The following TNRC18 variants were observed in gnomAD, a reference collection of about 807,000 sequenced individuals.
The protein encoded by TNRC18 is trinucleotide repeat containing 18.
TNRC18 carries 69 observed loss-of-function variants against 226.7 expected under a neutral mutation model. The observed-to-expected ratio is 0.30, with a 90% CI of 0.25 to 0.37. The LOEUF (loss-of-function observed/expected upper bound fraction) is 0.37. Ranked by LOEUF, TNRC18 falls within the 10% of genes least tolerant of loss-of-function variation. The probability of loss-of-function intolerance (pLI) is 1.00; values close to 1 mark genes in which losing one functional copy is unlikely to be tolerated. For synonymous variants in TNRC18, 2,449 were observed against 1,927.6 expected, an observed-to-expected ratio of 1.27 and a Z score of -7.09; for missense variants, 4,754 against 4,256.6, an observed-to-expected ratio of 1.12 and a Z score of -3.25.
At chr7:5,411,096 C>T (rs1437558106) in intron 2 of TNRC18, among the ~76,000 whole-genome samples, 6 of 151,248 alleles carry the variant, frequency 4.0e-5, no homozygotes, top group African/African-American at 1.2e-4. Flanking sequence ...TTAATCCCAG[C>T]TACTTGCTAC....
chr7:5,369,568 AGAGGGAAG>A lies in TNRC18; in HGVS notation c.4219+799_4219+806del, dbSNP rs199587150. Among the ~76,000 whole-genome samples the A allele has an allele frequency of 3.1e-4, 47 of 152,242 alleles. No homozygotes were observed. The Middle Eastern group carries it at 0.01, about 33-fold the overall frequency. The stretch of plus-strand genomic sequence containing the variant: ...CAACAGAGAGAAAAGTCGAACAGCA[AGAGGGAAG>A]GAGGGAAGGAGGGAAGGAGACGGGG... On this transcript the variant is annotated intron_variant, in intron 11 of 29. Transcript: ENST00000430969.
chr7:5,349,516 G>C (rs752821951), intron 17 of TNRC18, among the ~76,000 whole-genome samples: 2 of 152,214 alleles, frequency 1.3e-5, no homozygotes, highest in Non-Finnish European at 2.9e-5. Flanking sequence ...ATGTCAGAGC[G>C]ATCTGCTGCT....
rs1218384410 is a variant in TNRC18, at chr7:5,307,221, T to A, written c.*885A>T. 5 of 149,606 alleles carry A rather than the reference T, an allele frequency of 3.3e-5. No individual in the cohort carries two copies. Among genetic ancestry groups the A allele is most frequent in the Non-Finnish European group, 7.4e-5 (5 of 67,554 alleles). 9.3% of individuals were successfully genotyped at this position (149,606 alleles called of 1,614,324 possible). A position where few individuals can be genotyped will look rare whatever the true frequency, so the allele number is the denominator to read the frequency against. On this transcript the variant is annotated 3_prime_UTR_variant, in exon 30 of 30. Coordinates refer to ENST00000430969, the MANE Select transcript of TNRC18 (RefSeq NM_001080495.3). ...CACGTCAGAATGTTTTTTTTTATAA[T>A]TTCATAGCTATTTTTCACAGTTTTA...
In TNRC18 at chr7:5,377,133, G is replaced by GCAGCCAGCCA; in HGVS notation, c.2462-141_2462-140insTGGCTGGCTG. 7.6e-7 allele frequency: 1 copy of GCAGCCAGCCA among 1,314,716 alleles called. No homozygotes were observed. Among genetic ancestry groups the GCAGCCAGCCA allele is most frequent in the Non-Finnish European group, 1.0e-6 (1 of 970,316 alleles). 81.4% of individuals were successfully genotyped at this position (1,314,716 alleles called of 1,614,324 possible). On this transcript the variant is annotated intron_variant, in intron 7 of 29. Coordinates refer to ENST00000430969, the MANE Select transcript of TNRC18 (RefSeq NM_001080495.3). The surrounding 1 kb of genome is among the most constrained non-coding windows in gnomAD (Gnocchi z 5.8). ...GGGGAAGCCAAGGGACAGGGGTGCT[G>GCAGCCAGCCA]GCTGGCTGCAAAGAGCACCCCAGAG...
chr7:5,364,456 A>AGG (rs1374087558), intron 11 of TNRC18, among the ~76,000 whole-genome samples: 4 of 101,174 alleles, frequency 4.0e-5, no homozygotes, highest in African/African-American at 7.0e-5. Flanking sequence ...AGCCTGTCTC[A>AGG]AAGAAAACAC....
At chr7:5,308,779 G>A (rs1277088483) in intron 29 of TNRC18, 96 bp downstream of exon 29, 22 of 1,363,814 alleles carry the variant, frequency 1.6e-5, no homozygotes, top group East Asian at 2.5e-5. Flanking sequence ...GACCATGGGG[G>A]ACAGAGCAGC....
intron 5 of TNRC18, among the ~76,000 whole-genome samples, chr7:5,379,832 T>C (rs1396087813): frequency 6.6e-6 from 1 of 152,176 alleles, no homozygotes; most frequent in Non-Finnish European, 1.5e-5. Flanking sequence ...ATACTCCCCT[T>C]GGGGCCGGCC....
At chr7:5,372,168 C>T (rs960757575) in intron 10 of TNRC18, among the ~76,000 whole-genome samples, 2 of 151,850 alleles carry the variant, frequency 1.3e-5, no homozygotes, top group African/African-American at 4.8e-5. Context: ...CCTGGGTTCA[C>T]GCCCTTCTCC....
In TNRC18 at chr7:5,370,744, G is replaced by A. The variant is rs753960123; in HGVS notation, c.3850C>T (p.Pro1284Ser). 2 of 1,604,972 alleles carry A rather than the reference G, an allele frequency of 1.2e-6. No individual in the cohort carries two copies. The highest frequency in any genetic ancestry group is 1.7e-6 in the Non-Finnish European group (2 of 1,176,584). Residue 1284 changes from proline to serine, a missense_variant, in exon 11 of 30, where the codon CCG becomes TCG. Coordinates refer to ENST00000430969, the MANE Select transcript of TNRC18 (RefSeq NM_001080495.3). ...VPEEGLAQVAPSESQPTLEMS... is the reference protein window; with the variant it reads ...VPEEGLAQVASSESQPTLEMS... ...TCTAGGGTGGGCTGGGACTCGCTCG[G>A]TGCCACCTGCGCCAGGCCTTCCTCG...
intron 17 of TNRC18, among the ~76,000 whole-genome samples, chr7:5,348,268 G>A (rs1420440819): frequency 6.6e-6 from 1 of 152,222 alleles, no homozygotes; most frequent in African/African-American, 2.4e-5. Context: ...CCACCCATGA[G>A]CAGGTGACAG....
In TNRC18 at chr7:5,308,952, G is replaced by A. The variant is rs772882742; in HGVS notation, c.8626-3C>T. 1.9e-6 allele frequency: 3 copies of A among 1,600,412 alleles called. No homozygotes were observed. Among genetic ancestry groups the A allele is most frequent in the Non-Finnish European group, 2.6e-6 (3 of 1,175,192 alleles). On this transcript the variant is annotated splice_polypyrimidine_tract_variant and splice_region_variant and intron_variant, in intron 28 of 29. Transcript: ENST00000430969. Reference sequence around the variant, plus strand: ...CGGCTGGACTTCTGGTCCCAGTGCTGTGTGGGGGAGAGAGGAGGGGCTTGG... The same window carrying A: ...CGGCTGGACTTCTGGTCCCAGTGCTATGTGGGGGAGAGAGGAGGGGCTTGG...
At chr7:5,371,441 C>A in intron 10 of TNRC18, 77 bp from the exon 11 acceptor site, 1 of 1,425,784 alleles carries the variant, frequency 7.0e-7, no homozygotes, top group Non-Finnish European at 9.2e-7. Context: ...CGCCCACCAC[C>A]CCAGACAGAG....
intron 16 of TNRC18, among the ~76,000 whole-genome samples, chr7:5,355,588 A>G (rs1294961285): frequency 6.6e-6 from 1 of 152,212 alleles, no homozygotes; most frequent in Non-Finnish European, 1.5e-5. Flanking sequence ...CATCTCTACG[A>G]AAATAAAAAT....
In TNRC18 at chr7:5,351,924, T is replaced by G. The variant is rs1276658037; in HGVS notation, c.5365A>C (p.Lys1789Gln). Reference protein sequence around the residue: ...KRGLAAPRTLKPKPATSRKQP... With the variant: ...KRGLAAPRTLQPKPATSRKQP... ...TTCCTGCTGGTGGCCGGCTTGGGTT[T>G]CAGAGTCCGGGGGGCCGCCAGGCCC... Residue 1789 changes from lysine to glutamine, a missense_variant, in exon 17 of 30, where the codon AAA (lysine) becomes CAA (glutamine). Physicochemically the swap from Lys to Gln is moderately conservative, Grantham distance 53. Transcript: ENST00000430969. 12 of 1,613,766 alleles carry G rather than the reference T, an allele frequency of 7.4e-6. No individual in the cohort carries two copies. The highest frequency in any genetic ancestry group is 9.3e-6 in the Non-Finnish European group (11 of 1,179,822).
rs746850586 is a variant in TNRC18 at position 5,374,211 on chromosome 7, C to T, written c.3073G>A (p.Ala1025Thr). 464 of 841,708 alleles carry T rather than the reference C, an allele frequency of 5.5e-4. 1 individual carries two copies. The highest frequency in any genetic ancestry group is 6.4e-4 in the Non-Finnish European group (443 of 691,122). 52.1% of individuals were successfully genotyped at this position (841,708 alleles called of 1,614,324 possible). A position where few individuals can be genotyped will look rare whatever the true frequency, so the allele number is the denominator to read the frequency against. ...VSKPPAYAYP[A>T]TPSSHPTSPP... ...CTGGTGGGGTGGGAGCTGGGGGTGG[C>T]GGGGTAGGCGTAGGCGGGTGGCTTG... is the stretch of plus-strand genomic sequence containing the variant. The change falls in exon 10 of 30, where the codon GCC becomes ACC. Residue 1025 changes from alanine (A) to threonine (T), a missense_variant. Coordinates refer to ENST00000430969, the MANE Select transcript of TNRC18 (RefSeq NM_001080495.3).
chr7:5,345,535 C>CCCCCA, intron 18 of TNRC18, 27 bp downstream of exon 18: 1 of 1,251,090 alleles, frequency 8.0e-7, no homozygotes, highest in Non-Finnish European at 1.0e-6. Context: ...CACCCACCCC[C>CCCCCA]ACCGCAGCCC....
Position 5,388,968 on chromosome 7 carries a change from C to T in TNRC18, c.856G>A (p.Gly286Ser). The change falls in exon 5 of 30, where the codon GGC becomes AGC. Residue 286 changes from glycine to serine, a missense_variant. Transcript: ENST00000430969. ...LQPSVLTMCN[G>S]GAGDVGLPAL... Reference sequence around the variant, plus strand: ...GGCAGCCCCACGTCCCCGGCGCCGCCGTTGCACATGGTCAGTACCGACGGC... The same window carrying T: ...GGCAGCCCCACGTCCCCGGCGCCGCTGTTGCACATGGTCAGTACCGACGGC... 5 of 1,390,826 alleles carry T rather than the reference C, an allele frequency of 3.6e-6. No homozygotes were observed. The highest frequency in any genetic ancestry group is 4.7e-6 in the Non-Finnish European group (5 of 1,066,950). The allele number at this position is 1,390,826 out of a possible 1,614,324, so 86.2% of individuals were successfully genotyped here.
intron 8 of TNRC18, 144 bp downstream of exon 8, chr7:5,376,703 G>A (rs1384196880): frequency 2.1e-6 from 2 of 962,722 alleles, no homozygotes; most frequent in African/African-American, 1.7e-5. Flanking sequence ...ACTGGCAACA[G>A]ATGTTCTCTC....
At chr7:5,398,504 A>C (rs1780858323) in intron 2 of TNRC18, among the ~76,000 whole-genome samples, 1 of 151,170 alleles carries the variant, frequency 6.6e-6, no homozygotes, top group Non-Finnish European at 1.5e-5. Context: ...TTTTTTGCAG[A>C]GATGAGGTCT....
Sources: gnomAD v4.1 joint callset for allele counts (sites outside exome capture counted in the v4.1 genomes callset) on GRCh38, gnomAD v4.1.1 for gene constraint, Gnocchi (gnomAD v3.1) non-coding constraint, MANE v1.5 for transcripts, NCBI Gene and HGNC (gene_info 2026-07-23, HGNC 2026-07-21) for gene names.